EEFSEC: variants seen among roughly 807,000 people sequenced by gnomAD.
EEFSEC encodes the protein selenocysteine-specific elongation factor.
A neutral mutation model predicts 42.1 loss-of-function variants in EEFSEC; 43 were observed. The observed-to-expected ratio is 1.02, with a 90% CI of 0.80 to 1.32. The LOEUF is 1.32. Ranked by LOEUF, EEFSEC falls within the 40% of genes most tolerant of loss-of-function variation. The pLI is 0.00. For synonymous variants in EEFSEC, 354 were observed against 339.1 expected, an observed-to-expected ratio of 1.04 and a Z score of -0.48; for missense variants, 745 against 803.6, an observed-to-expected ratio of 0.93 and a Z score of 0.88.
intron 6 of EEFSEC, among the ~76,000 whole-genome samples, chr3:128,364,825 C>T (rs2067569749): frequency 6.6e-6 from 1 of 152,256 alleles, no homozygotes; most frequent in Non-Finnish European, 1.5e-5. Flanking sequence ...TCTAGCCCTC[C>T]ACAGCCTGCA....
Position 128,358,379 on chromosome 3 carries a change from T to C in EEFSEC, c.1600+6T>C, listed in dbSNP as rs374673157. The C allele has an allele frequency of 6.8e-6, 11 of 1,613,880 alleles. No homozygotes were observed. In the Middle Eastern group the frequency reaches 9.9e-4, roughly 145 times the overall value. On this transcript the variant is annotated splice_donor_region_variant and intron_variant, in intron 6 of 6. Coordinates refer to ENST00000254730, the MANE Select transcript of EEFSEC (RefSeq NM_021937.5). ...GTTCAAGATCCACATCCCAGGTAAG[T>C]GCAGCCACTTCCTCCCGGTTTAGGG...
At chr3:128,324,872 T>C (rs546223648) in intron 4 of EEFSEC, among the ~76,000 whole-genome samples, 1 of 152,162 alleles carries the variant, frequency 6.6e-6, no homozygotes, top group Non-Finnish European at 1.5e-5. Flanking sequence ...AATAGAAAAA[T>C]AGAGAGGAGA....
At chr3:128,335,739 G>C (rs2067183146) in intron 4 of EEFSEC, among the ~76,000 whole-genome samples, 1 of 152,166 alleles carries the variant, frequency 6.6e-6, no homozygotes, top group Non-Finnish European at 1.5e-5. Context: ...ACAGGCTGCG[G>C]GGGAGGGGGC....
intron 1 of EEFSEC, among the ~76,000 whole-genome samples, chr3:128,168,271 G>A (rs189088307): frequency 6.6e-6 from 1 of 152,314 alleles, no homozygotes; most frequent in African/African-American, 2.4e-5. Context: ...TGTCCAGTGG[G>A]AGGCCACAGC....
At chr3:128,389,702 C>G (rs2067884844) in intron 6 of EEFSEC, among the ~76,000 whole-genome samples, 1 of 152,364 alleles carries the variant, frequency 6.6e-6, no homozygotes, top group African/African-American at 2.4e-5. Context: ...CCCACCCCAA[C>G]AGGGAGCATG....
At chr3:128,247,307 A>T (rs1294101529) in intron 2 of EEFSEC, among the ~76,000 whole-genome samples, 1 of 152,224 alleles carries the variant, frequency 6.6e-6, no homozygotes, top group African/African-American at 2.4e-5. Flanking sequence ...GCTCACAGGA[A>T]GGAGAAGGAG....
At chr3:128,220,746 A>G (rs2107846352) in intron 1 of EEFSEC, among the ~76,000 whole-genome samples, 1 of 152,270 alleles carries the variant, frequency 6.6e-6, no homozygotes, top group East Asian at 1.9e-4. Context: ...TCAGGCGAGA[A>G]AGGGCCAACC....
intron 4 of EEFSEC, among the ~76,000 whole-genome samples, chr3:128,285,840 C>T (rs1196377255): frequency 6.6e-6 from 1 of 152,194 alleles, no homozygotes; most frequent in East Asian, 1.9e-4. Context: ...TGTGCTTTAC[C>T]TGTGCTGTGT....
intron 4 of EEFSEC, among the ~76,000 whole-genome samples, chr3:128,308,249 C>G (rs2066853028): frequency 1.3e-5 from 2 of 152,224 alleles, no homozygotes; most frequent in African/African-American, 4.8e-5. Context: ...TTCCTGACCA[C>G]TCAGACTGGA....
chr3:128,390,154 G>GTTGT (rs1402690461), intron 6 of EEFSEC, among the ~76,000 whole-genome samples: 1 of 152,196 alleles, frequency 6.6e-6, no homozygotes, highest in African/African-American at 2.4e-5. Flanking sequence ...TGTTTCTCCT[G>GTTGT]GATATAATTT....
At chr3:128,163,688 A>G (rs886703741) in intron 1 of EEFSEC, among the ~76,000 whole-genome samples, 3 of 152,012 alleles carry the variant, frequency 2.0e-5, no homozygotes, top group Non-Finnish European at 4.4e-5. Context: ...CATCCCTACC[A>G]GGAGTCATTC....
intron 4 of EEFSEC, among the ~76,000 whole-genome samples, chr3:128,287,319 TG>T (rs1559903524): frequency 3.3e-5 from 5 of 150,244 alleles, no homozygotes; most frequent in Non-Finnish European, 7.4e-5. Context: ...TGTGCAGCCA[TG>T]GGGGGAGGAA....
At chr3:128,196,306 T>A (rs2065584265) in intron 1 of EEFSEC, among the ~76,000 whole-genome samples, 1 of 152,276 alleles carries the variant, frequency 6.6e-6, no homozygotes, top group South Asian at 2.1e-4. Flanking sequence ...ATTTGGCATG[T>A]GTATTTTCTG....
intron 4 of EEFSEC, among the ~76,000 whole-genome samples, chr3:128,296,319 G>A (rs200683655): frequency 6.6e-6 from 1 of 152,154 alleles, no homozygotes; most frequent in Non-Finnish European, 1.5e-5. Context: ...AGGAAGGATG[G>A]TGTCTGAGCT....
chr3:128,175,041 G>A (rs911117252), intron 1 of EEFSEC, among the ~76,000 whole-genome samples: 4 of 152,076 alleles, frequency 2.6e-5, no homozygotes, highest in Admixed American at 6.5e-5. Flanking sequence ...CCTCTCTCCT[G>A]TCTAATGTCA....
Position 128,288,011 on chromosome 3 carries a change from A to G in EEFSEC, c.786+23230A>G, listed in dbSNP as rs530090161. Among the ~76,000 whole-genome samples the G allele has an allele frequency of 3.5e-5, 5 of 143,930 alleles. No homozygotes were observed. The South Asian group carries it at 1.2e-3, about 36-fold the overall frequency. 94.4% of individuals were successfully genotyped at this position (143,930 alleles called of 152,430 possible). On this transcript the variant is annotated intron_variant, in intron 4 of 6. Transcript: ENST00000254730. ...TGAAGATACTCTGGTATGAGAACAG[A>G]TAGACCTGCCTTTCTTTCTTTTTCA... is the stretch of plus-strand genomic sequence containing the variant.
In EEFSEC at chr3:128,408,589, C is replaced by A. The variant is rs1023469381; in HGVS notation, c.*330C>A. 3.9e-6 allele frequency: 1 copy of A among 254,898 alleles called. No homozygotes were observed. The highest frequency in any genetic ancestry group is 7.5e-6 in the Non-Finnish European group (1 of 134,224). 15.8% of individuals were successfully genotyped at this position (254,898 alleles called of 1,614,324 possible). A position where few individuals can be genotyped will look rare whatever the true frequency, so the allele number is the denominator to read the frequency against. ...CTGCAGGCCAGTCTCAACCCTCCCC[C>A]AGGTGGGCAGGCACTTGATGGCTAC... is the stretch of plus-strand genomic sequence containing the variant. On this transcript the variant is annotated 3_prime_UTR_variant, in exon 7 of 7. Transcript: ENST00000254730.
At chr3:128,289,654 C>T (rs1407080532) in intron 4 of EEFSEC, among the ~76,000 whole-genome samples, 1 of 152,156 alleles carries the variant, frequency 6.6e-6, no homozygotes, top group Non-Finnish European at 1.5e-5. Flanking sequence ...ATGGGTCAAA[C>T]AAAACATGTC....
intron 6 of EEFSEC, among the ~76,000 whole-genome samples, chr3:128,360,415 C>T (rs943734947): frequency 1.2e-4 from 19 of 152,174 alleles, no homozygotes; most frequent in Non-Finnish European, 2.9e-5. Context: ...CCAGCTGGGT[C>T]GGGGGCCATA....
Sources: gnomAD v4.1 joint callset for allele counts (sites outside exome capture counted in the v4.1 genomes callset) on GRCh38, gnomAD v4.1.1 for gene constraint, MANE v1.5 for transcripts, NCBI Gene and HGNC (gene_info 2026-07-23, HGNC 2026-07-21) for gene names.